Variants in GFPT2 observed in about 807,000 individuals in gnomAD.
The protein encoded by GFPT2 is glutamine--fructose-6-phosphate aminotransferase [isomerizing] 2.
Under a neutral mutation model 85.6 loss-of-function variants are expected in GFPT2, and 62 were observed. The ratio of observed to expected loss-of-function variants is 0.72; its 90% CI spans 0.59 to 0.90. The LOEUF (loss-of-function observed/expected upper bound fraction) is 0.90, where lower values mean the gene tolerates loss of function less well. Ranked by LOEUF, GFPT2 falls within the 40% of genes least tolerant of loss-of-function variation. The probability of loss-of-function intolerance (pLI) is 0.00; values close to 1 mark genes in which losing one functional copy is unlikely to be tolerated. For synonymous variants in GFPT2, 368 were observed against 344.5 expected (o/e 1.07, Z -0.75); for missense variants, 788 against 893.4 (o/e 0.88, Z 1.50).
At chr5:180,335,802 T>C (rs745903687) in intron 4 of GFPT2, 26 bp downstream of exon 4, 27 of 1,597,932 alleles carry the variant, frequency 1.7e-5, no homozygotes, top group Non-Finnish European at 2.2e-5. Context: ...GGTGGAACCA[T>C]GGGGACGGGG....
At chr5:180,326,819 G>A (rs1387711893) in intron 7 of GFPT2, among the ~76,000 whole-genome samples, 2 of 152,100 alleles carry the variant, frequency 1.3e-5, no homozygotes, top group South Asian at 2.1e-4. Flanking sequence ...AAGACAACCC[G>A]AAGATTGTAC....
chr5:180,345,627 G>A (rs538206611), intron 1 of GFPT2, among the ~76,000 whole-genome samples: 5 of 152,340 alleles, frequency 3.3e-5, no homozygotes, highest in South Asian at 2.1e-4. Flanking sequence ...TCGGCTCCCC[G>A]CTGGATTGTA....
At position 180,328,152 on chromosome 5, in the gene GFPT2, G is replaced by A; in HGVS notation, c.596+125C>T. Reference sequence around the variant, plus strand: ...GCGCGGTCCCCGGGGCTGAGCCACAGTTGTTCTTTAGACACCACGAGCACC... The same window carrying A: ...GCGCGGTCCCCGGGGCTGAGCCACAATTGTTCTTTAGACACCACGAGCACC... On this transcript the variant is annotated intron_variant, in intron 7 of 18. Coordinates refer to ENST00000253778, the MANE Select transcript of GFPT2 (RefSeq NM_005110.4). The surrounding 1 kb of genome is among the most constrained non-coding windows in gnomAD (Gnocchi z 5.4). 1 of 705,858 alleles carries A rather than the reference G, an allele frequency of 1.4e-6. No individual in the cohort carries two copies. The highest frequency in any genetic ancestry group is 2.5e-6 in the Non-Finnish European group (1 of 395,778). 43.7% of individuals were successfully genotyped at this position (705,858 alleles called of 1,614,324 possible). A position where few individuals can be genotyped will look rare whatever the true frequency, so the allele number is the denominator to read the frequency against.
At position 180,324,403 on chromosome 5, in the gene GFPT2, AAATTTGC is replaced by A. The variant is rs1341836183; in HGVS notation, c.677-105_677-99del. 8.0e-6 allele frequency: 6 copies of A among 751,586 alleles called. No homozygotes were observed. The East Asian group carries it at 1.3e-4, about 16-fold the overall frequency. 46.6% of individuals were successfully genotyped at this position (751,586 alleles called of 1,614,324 possible). ...TTTCCCCTCTGAATATGTGTGGGAG[AAATTTGC>A]AATTTTTAGCTTTGGCTGTGTCAGC... On this transcript the variant is annotated intron_variant, in intron 8 of 18. Coordinates refer to ENST00000253778, the MANE Select transcript of GFPT2 (RefSeq NM_005110.4).
intron 7 of GFPT2, among the ~76,000 whole-genome samples, chr5:180,325,405 A>G (rs888833916): frequency 1.3e-5 from 2 of 152,170 alleles, no homozygotes; most frequent in Non-Finnish European, 2.9e-5. Flanking sequence ...TGACTTTTGT[A>G]TATTCTCTAC....
rs778637023 is a variant in GFPT2, at chr5:180,316,826, TCTC to T, written c.1087_1089del (p.Glu363del). The T allele has an allele frequency of 5.6e-6, 9 of 1,613,968 alleles. No homozygotes were observed. The highest frequency in any genetic ancestry group is 5.1e-6 in the Non-Finnish European group (6 of 1,179,972). Reference sequence around the variant, plus strand: ...ACGATGAGCCGTCGGCATCGTCGAATCTCCTTCAAGTGGTCCTTCAAGCCACCC... The same window carrying T: ...ACGATGAGCCGTCGGCATCGTCGAATCTTCAAGTGGTCCTTCAAGCCACCC... On this transcript the variant is annotated inframe_deletion, in exon 12 of 19. Transcript: ENST00000253778.
chr5:180,303,867 G>A lies in GFPT2; in HGVS notation c.1842+905C>T, dbSNP rs139486635. ...TAACTTTATGCTAAGGTGACGACTC[G>A]TGGTGGGCCTGTAGATAGTTCCAGG... is the stretch of plus-strand genomic sequence containing the variant. On this transcript the variant is annotated intron_variant, in intron 17 of 18. Coordinates refer to ENST00000253778, the MANE Select transcript of GFPT2 (RefSeq NM_005110.4). Among the ~76,000 whole-genome samples, 177 of 152,272 alleles carry A rather than the reference G, an allele frequency of 1.2e-3. 1 individual carries two copies. Among genetic ancestry groups the A allele is most frequent in the East Asian group, 2.9e-3 (15 of 5,170 alleles).
chr5:180,308,525 T>C (rs559275797), intron 15 of GFPT2, among the ~76,000 whole-genome samples: 1 of 152,300 alleles, frequency 6.6e-6, no homozygotes, highest in African/African-American at 2.4e-5. Flanking sequence ...AGCCTACAAA[T>C]ACAGATTTGT....
chr5:180,329,930 C>T (rs936945895), intron 6 of GFPT2, among the ~76,000 whole-genome samples: 1 of 152,204 alleles, frequency 6.6e-6, no homozygotes, highest in Non-Finnish European at 1.5e-5. Flanking sequence ...ACTTCTTCTC[C>T]CTGGGCCCTG....
chr5:180,324,778 A>G (rs752830965), intron 8 of GFPT2, 38 bp downstream of exon 8: 1 of 1,311,622 alleles, frequency 7.6e-7, no homozygotes, highest in South Asian at 1.2e-5. Context: ...CTGCGACACC[A>G]GCAGCTGTGC....
chr5:180,326,087 A>G (rs549633931), intron 7 of GFPT2, among the ~76,000 whole-genome samples: 2 of 152,320 alleles, frequency 1.3e-5, no homozygotes, highest in Admixed American at 6.5e-5. Context: ...CCTGATTCCA[A>G]AATCTAATCC....
chr5:180,326,892 C>T (rs1300031428), intron 7 of GFPT2, among the ~76,000 whole-genome samples: 6 of 152,240 alleles, frequency 3.9e-5, no homozygotes, highest in African/African-American at 7.2e-5. Context: ...TGCTTCTTCA[C>T]GCTGCCTTCT....
At chr5:180,311,800 A>G (rs28562930) in intron 15 of GFPT2, among the ~76,000 whole-genome samples, 48,240 of 151,928 alleles carry the variant, frequency 0.32, 7,925 homozygotes, top group East Asian at 0.45. Context: ...CTCTGTGAGC[A>G]TGGCCAGGGA....
intron 16 of GFPT2, among the ~76,000 whole-genome samples, chr5:180,305,272 T>C (rs1279432501): frequency 6.6e-6 from 1 of 152,172 alleles, no homozygotes; most frequent in Non-Finnish European, 1.5e-5. Context: ...GCTCACCCCC[T>C]GCTCCTCCCT....
chr5:180,310,855 AAAAAAAAAAT>A (rs1396169768), intron 15 of GFPT2, among the ~76,000 whole-genome samples: 7 of 150,190 alleles, frequency 4.7e-5, no homozygotes, highest in African/African-American at 1.7e-4. Context: ...AAAAAAAAAA[AAAAAAAAAAT>A]TTTTAGTATA....
At chr5:180,303,448 G>A (rs1277838853) in intron 17 of GFPT2, among the ~76,000 whole-genome samples, 3 of 152,206 alleles carry the variant, frequency 2.0e-5, no homozygotes, top group East Asian at 1.9e-4. Flanking sequence ...AGGCGGGCGC[G>A]GGCGCAATGA....
At chr5:180,350,920 G>A (rs1486696260) in intron 1 of GFPT2, among the ~76,000 whole-genome samples, 4 of 152,292 alleles carry the variant, frequency 2.6e-5, no homozygotes, top group Middle Eastern at 3.4e-3. Flanking sequence ...CTGAGGGAAC[G>A]GCCCAGGAGA....
rs931551413 is a variant in GFPT2 at position 180,313,969 on chromosome 5, C to A, written c.1274-5G>T. The A allele has an allele frequency of 2.1e-5, 33 of 1,590,398 alleles. No individual in the cohort carries two copies. Among genetic ancestry groups the A allele is most frequent in the Non-Finnish European group, 2.6e-5 (31 of 1,175,022 alleles). ...GGAGGGTGTCCGCGGTCTCGCCTGC[C>A]GCCCAGGGGCCCTCTCAGTGCCGCG... On this transcript the variant is annotated splice_polypyrimidine_tract_variant and splice_region_variant and intron_variant, in intron 13 of 18. Transcript: ENST00000253778.
At chr5:180,338,875 G>A (rs530975069) in intron 1 of GFPT2, among the ~76,000 whole-genome samples, 61 of 152,298 alleles carry the variant, frequency 4.0e-4, no homozygotes, top group African/African-American at 1.3e-3. Flanking sequence ...AGCTTTCAGC[G>A]TGGCAATGTC....
Sources: gnomAD v4.1 joint callset for allele counts (sites outside exome capture counted in the v4.1 genomes callset) on GRCh38, gnomAD v4.1.1 for gene constraint, Gnocchi (gnomAD v3.1) non-coding constraint, MANE v1.5 for transcripts, NCBI Gene and HGNC (gene_info 2026-07-23, HGNC 2026-07-21) for gene names.